Variants in ACAD10 observed in about 807,000 individuals in gnomAD.
ACAD10 encodes ACAD-10.
In ACAD10, 112 loss-of-function variants were observed where a neutral mutation model predicts 116.8. That is an observed-to-expected ratio of 0.96 (90% CI 0.82 to 1.12). ACAD10 has a LOEUF of 1.12. Ranked by LOEUF, ACAD10 falls within the 50% of genes most tolerant of loss-of-function variation. The pLI is 0.00. For missense variants in ACAD10, 1,259 were observed against 1,350.2 expected (o/e 0.93, Z 1.06); for synonymous variants, 486 against 510.6 (o/e 0.95, Z 0.65).
intron 8 of ACAD10, among the ~76,000 whole-genome samples, chr12:111,723,757 G>T (rs1212415096): frequency 7.3e-5 from 11 of 151,308 alleles, no homozygotes; most frequent in African/African-American, 2.7e-4. Flanking sequence ...AGATGGGGTG[G>T]CTGCCGGGCA....
At position 111,702,173 on chromosome 12, in the gene ACAD10, C is replaced by T; in HGVS notation, c.199C>T (p.Gln67Ter). Reference sequence around the variant, plus strand: ...TTTGCTTCCTATAGAATGGGAGGTACAGAATCGTATCCCTTCTGGAACTAT... The same window carrying T: ...TTTGCTTCCTATAGAATGGGAGGTATAGAATCGTATCCCTTCTGGAACTAT... ...PGRVAAEWEV[Q>*]NRIPSGTILK... Residue 67 changes from glutamine to a stop codon, truncating the protein, a stop_gained, in exon 3 of 21, where the codon CAG (glutamine) becomes TAG (stop). Transcript: ENST00000313698. LOFTEE classifies it high-confidence loss of function. 6.2e-7 allele frequency: 1 copy of T among 1,613,216 alleles called. No homozygotes were observed. The highest frequency in any genetic ancestry group is 1.1e-5 in the South Asian group (1 of 90,800).
intron 17 of ACAD10, chr12:111,748,820 G>T: frequency 1.6e-6 from 1 of 613,088 alleles, no homozygotes; most frequent in Non-Finnish European, 2.7e-6. Flanking sequence ...GCCCTGGTTT[G>T]GTCCGCTCCC....
intron 2 of ACAD10, among the ~76,000 whole-genome samples, chr12:111,698,615 T>C (rs1888258441): frequency 6.6e-6 from 1 of 151,432 alleles, no homozygotes; most frequent in African/African-American, 2.4e-5. Context: ...GTAGCTGGGA[T>C]TACAGGCATG....
In ACAD10 at chr12:111,733,995, G is replaced by A. The variant is rs770451626; in HGVS notation, c.1467G>A (p.Leu489=). 6.2e-7 allele frequency: 1 copy of A among 1,614,192 alleles called. No homozygotes were observed. The highest frequency in any genetic ancestry group is 8.5e-7 in the Non-Finnish European group (1 of 1,180,034). ...TCCTTGACTGGGAACTTTCTACCTT[G>A]GGCGACCCCCTTGCTGATGTGGCCT... The part of the protein sequence containing the change: ...LAVLDWELST[L]GDPLADVAYS... The change falls in exon 11 of 21, where the codon TTG becomes TTA. Residue 489 remains leucine, a synonymous_variant. Coordinates refer to ENST00000313698, the MANE Select transcript of ACAD10 (RefSeq NM_025247.6).
In ACAD10 at chr12:111,741,750, A is replaced by G. The variant is rs115098239; in HGVS notation, c.1715-2893A>G. ...GGAAAAAACCAACTATACAAACATA[A>G]ATATTACTTCTGTACATTTGTCTTC... On this transcript the variant is annotated intron_variant, in intron 12 of 20. Coordinates refer to ENST00000313698, the MANE Select transcript of ACAD10 (RefSeq NM_025247.6). Among the ~76,000 whole-genome samples the G allele has an allele frequency of 1.4e-3, 215 of 152,350 alleles. 1 individual carries two copies. Among genetic ancestry groups the G allele is most frequent in the African/African-American group, 4.8e-3 (200 of 41,576 alleles).
At chr12:111,708,263 T>A (rs1261055659) in intron 4 of ACAD10, among the ~76,000 whole-genome samples, 1 of 152,060 alleles carries the variant, frequency 6.6e-6, no homozygotes, top group Non-Finnish European at 1.5e-5. Flanking sequence ...TTATTTTACT[T>A]CCCCCAGATG....
intron 12 of ACAD10, among the ~76,000 whole-genome samples, chr12:111,738,818 C>G (rs1889648809): frequency 6.6e-6 from 1 of 152,144 alleles, no homozygotes; most frequent in South Asian, 2.1e-4. Flanking sequence ...TTGCAGTGAG[C>G]TGAGATCGCG....
intron 6 of ACAD10, among the ~76,000 whole-genome samples, chr12:111,713,311 G>A (rs922462832): frequency 8.5e-5 from 12 of 141,148 alleles, no homozygotes; most frequent in African/African-American, 2.4e-4. Flanking sequence ...ACTCCATCTC[G>A]GGGGGAAAAA....
chr12:111,736,285 C>T (rs922345286), intron 11 of ACAD10, among the ~76,000 whole-genome samples: 1 of 147,932 alleles, frequency 6.8e-6, no homozygotes, highest in Admixed American at 7.0e-5. Flanking sequence ...CTCCTGGATT[C>T]ATGCAATTCT....
At chr12:111,715,737 G>T in intron 6 of ACAD10, 84 bp from the exon 7 acceptor site, 4 of 1,581,962 alleles carry the variant, frequency 2.5e-6, no homozygotes, top group Non-Finnish European at 3.5e-6. Context: ...AAGCCCAAAT[G>T]CAGAACTCAT....
chr12:111,735,878 C>T (rs751120584), intron 11 of ACAD10, among the ~76,000 whole-genome samples: 2 of 151,484 alleles, frequency 1.3e-5, no homozygotes, highest in Non-Finnish European at 2.9e-5. Context: ...CTCCCTCTGT[C>T]ACTCGTTTTA....
At chr12:111,720,706 A>G (rs1352605799) in intron 7 of ACAD10, among the ~76,000 whole-genome samples, 3 of 152,114 alleles carry the variant, frequency 2.0e-5, no homozygotes, top group Non-Finnish European at 4.4e-5. Flanking sequence ...TCTTGTAGAC[A>G]TCATATAATT....
intron 12 of ACAD10, among the ~76,000 whole-genome samples, chr12:111,740,511 G>A (rs1191451951): frequency 6.9e-6 from 1 of 144,844 alleles, no homozygotes; most frequent in Non-Finnish European, 1.5e-5. Flanking sequence ...TGTAATCCCA[G>A]CACTTTGAGA....
At position 111,737,011 on chromosome 12, in the gene ACAD10, G is replaced by T. The variant is rs772134932; in HGVS notation, c.1714+7G>T. The T allele has an allele frequency of 8.7e-6, 14 of 1,612,612 alleles. No individual in the cohort carries two copies. The highest frequency in any genetic ancestry group is 1.2e-5 in the Non-Finnish European group (14 of 1,179,210). ...TACAAGCGATCACTCACAGGTAATGGGATGGCTGCCCTGAAGAGCCACTGC... is the reference window on the plus strand; with the variant it reads ...TACAAGCGATCACTCACAGGTAATGTGATGGCTGCCCTGAAGAGCCACTGC... On this transcript the variant is annotated splice_region_variant and intron_variant, in intron 12 of 20. Transcript: ENST00000313698.
chr12:111,695,195 C>T (rs1888162014), intron 2 of ACAD10, among the ~76,000 whole-genome samples: 1 of 152,140 alleles, frequency 6.6e-6, no homozygotes, highest in African/African-American at 2.4e-5. Flanking sequence ...ACCTGATGCT[C>T]CCCAGGCATG....
chr12:111,687,123 C>T (rs1336522796), intron 1 of ACAD10, among the ~76,000 whole-genome samples: 1 of 152,090 alleles, frequency 6.6e-6, no homozygotes, highest in Non-Finnish European at 1.5e-5. Flanking sequence ...GGATGCTACT[C>T]TAGGTACATT....
chr12:111,687,372 G>C (rs913501306), intron 1 of ACAD10, among the ~76,000 whole-genome samples: 2 of 151,986 alleles, frequency 1.3e-5, no homozygotes, highest in Non-Finnish European at 2.9e-5. Flanking sequence ...TTTGGCAAGG[G>C]GGCGGGGTGT....
In ACAD10 at chr12:111,733,965, T is replaced by G. The variant is rs1258056884; in HGVS notation, c.1437T>G (p.Leu479=). 6.2e-7 allele frequency: 1 copy of G among 1,614,208 alleles called. No individual in the cohort carries two copies. Among genetic ancestry groups the G allele is most frequent in the Middle Eastern group, 1.7e-4 (1 of 6,060 alleles). The change falls in exon 11 of 21, where the codon CTT becomes CTG. Residue 479 remains leucine (L), a synonymous_variant. Transcript: ENST00000313698. ...TTCATCCAGAAGAGCCAGAGGTGCT[T>G]GCTGTCCTTGACTGGGAACTTTCTA... ...LVFHPEEPEV[L]AVLDWELSTL...
intron 7 of ACAD10, among the ~76,000 whole-genome samples, chr12:111,720,495 T>G (rs138242525): frequency 2.0e-5 from 3 of 152,218 alleles, no homozygotes; most frequent in Non-Finnish European, 4.4e-5. Flanking sequence ...ATACTTATGA[T>G]TGTAATATCT....
Sources: gnomAD v4.1 joint callset for allele counts (sites outside exome capture counted in the v4.1 genomes callset) on GRCh38, gnomAD v4.1.1 for gene constraint, MANE v1.5 for transcripts, NCBI Gene and HGNC (gene_info 2026-07-23, HGNC 2026-07-21) for gene names.